Variants in CADPS observed in about 807,000 individuals in gnomAD.
CADPS encodes calcium-dependent secretion activator 1.
In CADPS, 57 loss-of-function variants were observed where a neutral mutation model predicts 167.3. That is an observed-to-expected ratio of 0.34 (90% CI 0.28 to 0.42). The LOEUF (loss-of-function observed/expected upper bound fraction) is 0.42. Among genes scored for constraint, CADPS ranks in the 20% least tolerant of loss-of-function variants. The pLI is 1.00. For synonymous variants in CADPS, 676 were observed against 635.3 expected, an observed-to-expected ratio of 1.06 and a Z score of -0.96; for missense variants, 1,414 against 1,738.1, an observed-to-expected ratio of 0.81 and a Z score of 3.32.
intron 3 of CADPS, among the ~76,000 whole-genome samples, chr3:62,711,645 T>G (rs1051606309): frequency 6.6e-6 from 1 of 152,226 alleles, no homozygotes; most frequent in Middle Eastern, 3.2e-3. Context: ...GAAGTGATTG[T>G]CCACTGGTAG....
chr3:62,566,817 G>C (rs553983139), intron 9 of CADPS, among the ~76,000 whole-genome samples: 3 of 151,972 alleles, frequency 2.0e-5, no homozygotes, highest in Admixed American at 2.0e-4. Context: ...AGATTTTTTT[G>C]GGGGGATGGA....
At chr3:62,622,456 T>A (rs2063346061) in intron 6 of CADPS, among the ~76,000 whole-genome samples, 1 of 152,184 alleles carries the variant, frequency 6.6e-6, no homozygotes, top group South Asian at 2.1e-4. Context: ...ACACATCTGA[T>A]TTATTTTCCA....
chr3:62,549,447 G>T (rs370201119), intron 11 of CADPS, among the ~76,000 whole-genome samples: 187 of 129,126 alleles, frequency 1.4e-3, no homozygotes, highest in East Asian at 2.2e-3. Flanking sequence ...CATGTTTTGT[G>T]TTTTTTTTTT....
rs77837868 is a variant in CADPS, at chr3:62,490,892, G to A, written c.3026+447C>T. Among the ~76,000 whole-genome samples, 1,014 of 152,264 alleles carry A rather than the reference G, an allele frequency of 6.7e-3. 6 individuals are homozygous for A. The highest frequency in any genetic ancestry group is 0.011 in the Non-Finnish European group (716 of 68,004). On this transcript the variant is annotated intron_variant, in intron 21 of 29. Coordinates refer to ENST00000383710, the MANE Select transcript of CADPS (RefSeq NM_003716.4). The stretch of plus-strand genomic sequence containing the variant: ...CATGCTACAATGACAGAGTTGAGTT[G>A]TGACAGAGATTATGTGGCTCCAAAA...
At chr3:62,675,307 T>C (rs1250692567) in intron 3 of CADPS, among the ~76,000 whole-genome samples, 1 of 152,156 alleles carries the variant, frequency 6.6e-6, no homozygotes, top group Non-Finnish European at 1.5e-5. Context: ...AGCATTAGTG[T>C]GTCTGCCTCA....
At chr3:62,509,305 A>G (rs2151495767) in intron 17 of CADPS, among the ~76,000 whole-genome samples, 1 of 137,724 alleles carries the variant, frequency 7.3e-6, no homozygotes, top group East Asian at 2.1e-4. Flanking sequence ...AAAAAAAAAA[A>G]AAGAAAGAAA....
intron 28 of CADPS, among the ~76,000 whole-genome samples, chr3:62,413,727 G>A (rs1380079361): frequency 2.0e-5 from 3 of 152,140 alleles, no homozygotes; most frequent in Admixed American, 6.5e-5. Flanking sequence ...TGTACACTTA[G>A]AGATGGTTAA....
Position 62,459,973 on chromosome 3 carries a change from C to T in CADPS, c.3636+5394G>A, listed in dbSNP as rs775697833. On this transcript the variant is annotated intron_variant, in intron 26 of 29. Transcript: ENST00000383710. ...CTGGTAATATATGAAAAATAGATGA[C>T]TCTTTCCCTTAGAAGTAGTATCAGC... is the stretch of plus-strand genomic sequence containing the variant. Among the ~76,000 whole-genome samples, 145 of 152,166 alleles carry T rather than the reference C, an allele frequency of 9.5e-4. 4 individuals are homozygous for T. Among genetic ancestry groups the T allele is most frequent in the Non-Finnish European group, 6.9e-4 (47 of 68,046 alleles).
intron 13 of CADPS, among the ~76,000 whole-genome samples, chr3:62,523,805 T>C (rs2071346589): frequency 6.6e-6 from 1 of 152,216 alleles, no homozygotes; most frequent in African/African-American, 2.4e-5. Context: ...TACTTTCATC[T>C]CCAAATGCAA....
intron 6 of CADPS, among the ~76,000 whole-genome samples, chr3:62,638,388 G>C (rs1396136809): frequency 5.3e-5 from 8 of 152,040 alleles, no homozygotes; most frequent in Non-Finnish European, 8.8e-5. Flanking sequence ...AAATACAGTG[G>C]CTTTTCACAT....
At chr3:62,603,594 A>G (rs2060273184) in intron 6 of CADPS, among the ~76,000 whole-genome samples, 1 of 152,220 alleles carries the variant, frequency 6.6e-6, no homozygotes, top group Admixed American at 6.5e-5. Context: ...GCATACCTGT[A>G]TAATGGGCTG....
At chr3:62,706,928 C>T (rs989270841) in intron 3 of CADPS, among the ~76,000 whole-genome samples, 2 of 152,070 alleles carry the variant, frequency 1.3e-5, no homozygotes, top group East Asian at 1.9e-4. Context: ...ACACTAAAAG[C>T]CCAGACTTCC....
chr3:62,567,353 C>G (rs75645041), intron 9 of CADPS, among the ~76,000 whole-genome samples: 18,346 of 151,914 alleles, frequency 0.12, 1,543 homozygotes, highest in South Asian at 0.2. Flanking sequence ...TTTTTCTTTT[C>G]TTTGCCAGAC....
chr3:62,712,536 C>T (rs188240764), intron 3 of CADPS, among the ~76,000 whole-genome samples: 179 of 152,202 alleles, frequency 1.2e-3, no homozygotes, highest in Non-Finnish European at 2.1e-3. Flanking sequence ...GTTATAGATG[C>T]GTTTCTTAAA....
chr3:62,813,970 A>G (rs895976627), intron 1 of CADPS, among the ~76,000 whole-genome samples: 1 of 152,162 alleles, frequency 6.6e-6, no homozygotes, highest in African/African-American at 2.4e-5. Context: ...GAACTTTTCA[A>G]CGACAGACAG....
At chr3:62,509,026 G>A (rs1442377740) in intron 17 of CADPS, among the ~76,000 whole-genome samples, 2 of 151,990 alleles carry the variant, frequency 1.3e-5, no homozygotes, top group South Asian at 2.1e-4. Context: ...GGAAAGGCTG[G>A]GTGTGGTGGC....
chr3:62,560,969 C>T (rs1162135728), intron 9 of CADPS, among the ~76,000 whole-genome samples: 3 of 151,226 alleles, frequency 2.0e-5, no homozygotes, highest in African/African-American at 7.3e-5. Flanking sequence ...ATCTCAGCTA[C>T]TCCGGAGGCT....
intron 3 of CADPS, among the ~76,000 whole-genome samples, chr3:62,684,932 T>G (rs1563815351): frequency 6.6e-6 from 1 of 152,008 alleles, no homozygotes; most frequent in Non-Finnish European, 1.5e-5. Flanking sequence ...TTGATAGAAG[T>G]GAAAGGAACT....
rs968874457 is a variant in CADPS, at chr3:62,557,622, A to G, written c.1645-109T>C. The G allele has an allele frequency of 5.9e-6, 5 of 851,588 alleles. No homozygotes were observed. The African/African-American group carries it at 6.7e-5, about 11-fold the overall frequency. 52.8% of individuals were successfully genotyped at this position (851,588 alleles called of 1,614,324 possible). On this transcript the variant is annotated intron_variant, in intron 9 of 29. Coordinates refer to ENST00000383710, the MANE Select transcript of CADPS (RefSeq NM_003716.4). ...GATCTGGACTGAGTGGCTGGGTTCA[A>G]ACTGAGTTTTGCTACCTCCTGGCTG... is the stretch of plus-strand genomic sequence containing the variant.
Sources: gnomAD v4.1 joint callset for allele counts (sites outside exome capture counted in the v4.1 genomes callset) on GRCh38, gnomAD v4.1.1 for gene constraint, MANE v1.5 for transcripts, NCBI Gene and HGNC (gene_info 2026-07-23, HGNC 2026-07-21) for gene names.